Variants in EAPP observed in about 807,000 individuals in gnomAD.
The protein encoded by EAPP is E2F associated phosphoprotein.
Under a neutral mutation model 34.3 loss-of-function variants are expected in EAPP, and 38 were observed. The ratio of observed to expected loss-of-function variants is 1.11; its 90% CI spans 0.85 to 1.45. EAPP has a LOEUF of 1.45. Among genes scored for constraint, EAPP ranks in the 40% most tolerant of loss-of-function variants. EAPP has a pLI of 0.00. For synonymous variants in EAPP, 113 were observed against 117.6 expected, an observed-to-expected ratio of 0.96 and a Z score of 0.25; for missense variants, 338 against 343.7, an observed-to-expected ratio of 0.98 and a Z score of 0.13.
intron 5 of EAPP, among the ~76,000 whole-genome samples, chr14:34,518,398 G>A (rs1042903587): frequency 1.6e-5 from 2 of 125,114 alleles, no homozygotes; most frequent in African/African-American, 3.1e-5. Context: ...GCAATAGCAC[G>A]ATCTTGGCTC....
chr14:34,517,000 C>T (rs1415813522), intron 5 of EAPP, among the ~76,000 whole-genome samples: 30 of 147,612 alleles, frequency 2.0e-4, no homozygotes, highest in African/African-American at 2.5e-4. Flanking sequence ...TGCAGTGGCG[C>T]GATCTCGGCT....
At chr14:34,535,593 C>T (rs899792071) in intron 2 of EAPP, among the ~76,000 whole-genome samples, 8 of 151,640 alleles carry the variant, frequency 5.3e-5, no homozygotes, top group Admixed American at 1.3e-4. Flanking sequence ...CCACCACGCC[C>T]GGCTAATTTT....
chr14:34,538,982 T>C (rs781364599), intron 1 of EAPP, among the ~76,000 whole-genome samples: 1 of 152,210 alleles, frequency 6.6e-6, no homozygotes, highest in Non-Finnish European at 1.5e-5. Context: ...ACCCTTATTA[T>C]ACTATAAGCC....
In EAPP at chr14:34,539,620, C is replaced by T. The variant is rs371175116; in HGVS notation, c.9G>A (p.Arg3=). The T allele has an allele frequency of 6.4e-7, 1 of 1,574,118 alleles. No individual in the cohort carries two copies. Among genetic ancestry groups the T allele is most frequent in the Non-Finnish European group, 8.6e-7 (1 of 1,158,358 alleles). ...CGTAGGGGTCGTAGTCATCCGGAAG[C>T]CGGTTCATGGTGGCCTGCAGCGGCC... is the stretch of plus-strand genomic sequence containing the variant. The part of the protein sequence containing the change: MN[R]LPDDYDPYAV... Residue 3 remains arginine (R), a synonymous_variant, in exon 1 of 6, where the codon CGG becomes CGA. Transcript: ENST00000250454.
chr14:34,516,251 G>GT lies in EAPP; in HGVS notation c.*58dup. 1 of 1,470,506 alleles carries GT rather than the reference G, an allele frequency of 6.8e-7. No individual in the cohort carries two copies. The highest frequency in any genetic ancestry group is 9.2e-7 in the Non-Finnish European group (1 of 1,089,432). 91.1% of individuals were successfully genotyped at this position (1,470,506 alleles called of 1,614,324 possible). A position where few individuals can be genotyped will look rare whatever the true frequency, so the allele number is the denominator to read the frequency against. On this transcript the variant is annotated 3_prime_UTR_variant, in exon 6 of 6. Coordinates refer to ENST00000250454, the MANE Select transcript of EAPP (RefSeq NM_018453.4). The stretch of plus-strand genomic sequence containing the variant: ...AAGGATATGAACAGGCAAGAGGAAA[G>GT]TAACTGTCCATATTTGCCTTATATA...
At chr14:34,519,898 T>C (rs1426995878) in intron 5 of EAPP, among the ~76,000 whole-genome samples, 1 of 151,248 alleles carries the variant, frequency 6.6e-6, no homozygotes, top group African/African-American at 2.4e-5. Context: ...TTTTTTTTTT[T>C]TTTGAAACAG....
chr14:34,536,884 T>C (rs1280099538), intron 1 of EAPP, among the ~76,000 whole-genome samples: 2 of 152,080 alleles, frequency 1.3e-5, no homozygotes, highest in Non-Finnish European at 2.9e-5. Context: ...AAAAAATACA[T>C]AGATAGATAT....
At position 34,517,557 on chromosome 14, in the gene EAPP, T is replaced by C. The variant is rs550561654; in HGVS notation, c.582-971A>G. ...AGCCACCGTGCCTAGCCTGATTCCT[T>C]GTATTTCTGTGGTCTCAGTTGTTAT... On this transcript the variant is annotated intron_variant, in intron 5 of 5. Transcript: ENST00000250454. Among the ~76,000 whole-genome samples, 109 of 152,182 alleles carry C rather than the reference T, an allele frequency of 7.2e-4. 2 individuals are homozygous for C. The highest frequency in any genetic ancestry group is 2.4e-3 in the African/African-American group (99 of 41,538).
At chr14:34,524,859 G>A in intron 4 of EAPP, 52 bp from the exon 5 acceptor site, 2 of 1,403,274 alleles carry the variant, frequency 1.4e-6, no homozygotes, top group African/African-American at 1.4e-5. Flanking sequence ...CCAGATCTTG[G>A]TTTCTAGTGT....
intron 3 of EAPP, among the ~76,000 whole-genome samples, chr14:34,532,533 A>G (rs1413932890): frequency 6.6e-6 from 1 of 152,096 alleles, no homozygotes; most frequent in Non-Finnish European, 1.5e-5. Context: ...AAATATTGCT[A>G]CTATAGGAAA....
At chr14:34,536,584 G>A (rs909587947) in intron 1 of EAPP, 1 of 187,856 alleles carries the variant, frequency 5.3e-6, no homozygotes, top group Non-Finnish European at 1.1e-5. Flanking sequence ...CCCACCTCGG[G>A]TTCCCCAGTA....
At chr14:34,528,032 T>C (rs1468684481) in intron 4 of EAPP, among the ~76,000 whole-genome samples, 2 of 144,898 alleles carry the variant, frequency 1.4e-5, no homozygotes, top group African/African-American at 5.1e-5. Flanking sequence ...GTACCTAGAG[T>C]AGCCTCATCT....
intron 4 of EAPP, among the ~76,000 whole-genome samples, chr14:34,528,415 CTT>C (rs1180289298): frequency 3.7e-5 from 2 of 54,044 alleles, no homozygotes; most frequent in Non-Finnish European, 3.3e-5. Flanking sequence ...CCACAAAACC[CTT>C]TTTTTTTTTT....
intron 3 of EAPP, among the ~76,000 whole-genome samples, chr14:34,531,113 T>G (rs1424213114): frequency 6.6e-6 from 1 of 151,212 alleles, no homozygotes; most frequent in Non-Finnish European, 1.5e-5. Flanking sequence ...CAAACCAGCA[T>G]GACCAACATG....
At chr14:34,536,302 TATGA>T in intron 1 of EAPP, 27 bp from the exon 2 acceptor site, 6 of 1,520,998 alleles carry the variant, frequency 3.9e-6, no homozygotes, top group East Asian at 4.8e-5. Context: ...TCAAAAAGAA[TATGA>T]ATATTTAAAA....
chr14:34,529,250 T>C, intron 4 of EAPP, 108 bp downstream of exon 4: 1 of 793,052 alleles, frequency 1.3e-6, no homozygotes, highest in East Asian at 2.8e-5. Flanking sequence ...TGTTTGTGTG[T>C]GTGTGTTTGT....
intron 3 of EAPP, among the ~76,000 whole-genome samples, chr14:34,531,198 G>A (rs1219067939): frequency 6.6e-6 from 1 of 152,142 alleles, no homozygotes; most frequent in Admixed American, 6.6e-5. Context: ...CCAACTACCA[G>A]GAAGGCTGAG....
At chr14:34,517,248 CTTTTTTT>C (rs34165039) in intron 5 of EAPP, among the ~76,000 whole-genome samples, 3 of 127,332 alleles carry the variant, frequency 2.4e-5, no homozygotes, top group South Asian at 2.6e-4. Flanking sequence ...GATTCTATTT[CTTTTTTT>C]TTTTTTTTTT....
chr14:34,521,154 C>T (rs779780617), intron 5 of EAPP, among the ~76,000 whole-genome samples: 49 of 151,790 alleles, frequency 3.2e-4, no homozygotes, highest in Admixed American at 1.4e-3. Context: ...CTGCAACCTC[C>T]GCCTCCTGGG....
Sources: gnomAD v4.1 joint callset for allele counts (sites outside exome capture counted in the v4.1 genomes callset) on GRCh38, gnomAD v4.1.1 for gene constraint, MANE v1.5 for transcripts, NCBI Gene and HGNC (gene_info 2026-07-23, HGNC 2026-07-21) for gene names.